The following PACRG variants were observed in gnomAD, a reference collection of about 807,000 sequenced individuals.
The protein encoded by PACRG is parkin coregulated gene protein.
A neutral mutation model predicts 29.7 loss-of-function variants in PACRG; 29 were observed. That is an observed-to-expected ratio of 0.98 (90% CI 0.73 to 1.33). The LOEUF (loss-of-function observed/expected upper bound fraction) is 1.33, where lower values mean the gene tolerates loss of function less well. Among genes scored for constraint, PACRG ranks in the 40% most tolerant of loss-of-function variants. The pLI is 0.00. For missense variants in PACRG, 279 were observed against 316.2 expected (o/e 0.88, Z 0.89); for synonymous variants, 116 against 118.7 (o/e 0.98, Z 0.15).
intron 4 of PACRG, among the ~76,000 whole-genome samples, chr6:163,257,707 T>C (rs1783171089): frequency 6.6e-6 from 1 of 152,238 alleles, no homozygotes; most frequent in Non-Finnish European, 1.5e-5. Flanking sequence ...ATAGATTGAT[T>C]GATGTCAACT....
At chr6:163,050,237 A>G (rs2128246719) in intron 2 of PACRG, among the ~76,000 whole-genome samples, 1 of 152,138 alleles carries the variant, frequency 6.6e-6, no homozygotes, top group East Asian at 1.9e-4. Flanking sequence ...TATTCTCTTG[A>G]AAGTTCATTT....
intron 2 of PACRG, among the ~76,000 whole-genome samples, chr6:163,050,240 G>A (rs987407105): frequency 2.6e-5 from 4 of 151,842 alleles, no homozygotes; most frequent in African/African-American, 7.3e-5. Context: ...TCTCTTGAAA[G>A]TTCATTTTAT....
chr6:163,217,037 C>T (rs1368686177), intron 4 of PACRG, among the ~76,000 whole-genome samples: 1 of 152,194 alleles, frequency 6.6e-6, no homozygotes, highest in Admixed American at 6.5e-5. Context: ...CACGCCTTTG[C>T]AAGTGAATCT....
chr6:163,315,118 G>C lies in PACRG; in HGVS notation c.*131G>C. On this transcript the variant is annotated 3_prime_UTR_variant, in exon 5 of 5. Transcript: ENST00000366888. ...CAGCTGCTAAAATAGTGGCTTATGG[G>C]CCATTGGACTGTTAGCCCTATTGAG... The C allele has an allele frequency of 3.8e-6, 4 of 1,061,030 alleles. No homozygotes were observed. The highest frequency in any genetic ancestry group is 5.4e-6 in the Non-Finnish European group (4 of 737,934). The allele number at this position is 1,061,030 out of a possible 1,614,324, so 65.7% of individuals were successfully genotyped here.
intron 2 of PACRG, among the ~76,000 whole-genome samples, chr6:162,946,024 A>G (rs1798976968): frequency 1.3e-5 from 2 of 152,128 alleles, no homozygotes; most frequent in South Asian, 2.1e-4. Context: ...TGTTCAAAGG[A>G]AAGTTTATAG....
At chr6:163,247,217 A>T (rs1409471944) in intron 4 of PACRG, among the ~76,000 whole-genome samples, 1 of 152,208 alleles carries the variant, frequency 6.6e-6, no homozygotes, top group Non-Finnish European at 1.5e-5. Flanking sequence ...TCATAATTCA[A>T]TGAAAATAAA....
intron 1 of PACRG, among the ~76,000 whole-genome samples, chr6:162,754,830 A>T (rs182788090): frequency 6.6e-6 from 1 of 151,964 alleles, no homozygotes; most frequent in African/African-American, 2.4e-5. Flanking sequence ...CATTACGTCA[A>T]TTTTTTGGAA....
chr6:163,184,338 T>G (rs1779813548), intron 4 of PACRG, among the ~76,000 whole-genome samples: 1 of 152,216 alleles, frequency 6.6e-6, no homozygotes, highest in Non-Finnish European at 1.5e-5. Flanking sequence ...ATTGTTTCTT[T>G]AATGCTACAT....
intron 2 of PACRG, chr6:162,957,398 T>C (rs1201321470): frequency 1.7e-5 from 10 of 587,768 alleles, no homozygotes; most frequent in African/African-American, 7.4e-5. Context: ...ATAAGAACTT[T>C]AGGTCTCACA....
intron 2 of PACRG, among the ~76,000 whole-genome samples, chr6:162,880,538 A>G (rs1206589971): frequency 6.6e-6 from 1 of 152,230 alleles, no homozygotes; most frequent in Non-Finnish European, 1.5e-5. Context: ...GGTGGCATGC[A>G]GTCAAGGTTC....
chr6:162,738,076 A>G (rs1448490645), intron 1 of PACRG, among the ~76,000 whole-genome samples: 1 of 152,208 alleles, frequency 6.6e-6, no homozygotes, highest in African/African-American at 2.4e-5. Flanking sequence ...CTTATAAGTA[A>G]AACAATAACC....
chr6:162,980,876 G>A (rs1802356975), intron 2 of PACRG, among the ~76,000 whole-genome samples: 1 of 152,056 alleles, frequency 6.6e-6, no homozygotes, highest in Non-Finnish European at 1.5e-5. Context: ...GCAGGAATGG[G>A]AGCCATTACT....
chr6:162,768,169 G>A (rs940785305), intron 1 of PACRG, among the ~76,000 whole-genome samples: 1 of 151,994 alleles, frequency 6.6e-6, no homozygotes. Context: ...GTGATTAACT[G>A]TTTATGCTCA....
At chr6:162,746,579 CATT>C (rs1303155654) in intron 1 of PACRG, among the ~76,000 whole-genome samples, 11 of 152,116 alleles carry the variant, frequency 7.2e-5, no homozygotes, top group African/African-American at 2.7e-4. Context: ...TATCTTCTGT[CATT>C]ATTAGGAGTA....
intron 2 of PACRG, among the ~76,000 whole-genome samples, chr6:163,030,478 A>G (rs1807557576): frequency 6.6e-6 from 1 of 152,196 alleles, no homozygotes; most frequent in Admixed American, 6.5e-5. Context: ...ACCGCTCATC[A>G]GAGCTCCCCT....
chr6:162,849,957 A>G (rs1790721206), intron 2 of PACRG, among the ~76,000 whole-genome samples: 2 of 152,208 alleles, frequency 1.3e-5, no homozygotes, highest in African/African-American at 4.8e-5. Context: ...GCATATTTCT[A>G]TCTCAACTAT....
At chr6:163,260,311 C>G (rs574878289) in intron 4 of PACRG, among the ~76,000 whole-genome samples, 83 of 152,294 alleles carry the variant, frequency 5.4e-4, no homozygotes, top group African/African-American at 9.6e-4. Context: ...GAGCTCTCTT[C>G]AGCTCCCACG....
chr6:163,281,049 G>A (rs11963212), intron 4 of PACRG, among the ~76,000 whole-genome samples: 6,255 of 152,134 alleles, frequency 0.041, 359 homozygotes, highest in African/African-American at 0.13. Flanking sequence ...AGATGAGCAA[G>A]ATGGGTAGGC....
chr6:162,846,579 A>G, intron 2 of PACRG, among the ~76,000 whole-genome samples: 1 of 152,148 alleles, frequency 6.6e-6, no homozygotes, highest in Middle Eastern at 3.2e-3. Context: ...CATCTTTAGT[A>G]GGAGACTCTA....
Sources: gnomAD v4.1 joint callset for allele counts (sites outside exome capture counted in the v4.1 genomes callset) on GRCh38, gnomAD v4.1.1 for gene constraint, MANE v1.5 for transcripts, NCBI Gene and HGNC (gene_info 2026-07-23, HGNC 2026-07-21) for gene names.